FYN: variants seen among roughly 807,000 people sequenced by gnomAD.
The protein encoded by FYN is tyrosine-protein kinase Fyn.
FYN carries 10 observed loss-of-function variants against 70.2 expected under a neutral mutation model. That is an observed-to-expected ratio of 0.14 (90% confidence interval 0.09 to 0.24). The LOEUF (loss-of-function observed/expected upper bound fraction) is 0.24, where lower values mean the gene tolerates loss of function less well. Ranked by LOEUF, FYN falls within the 10% of genes least tolerant of loss-of-function variation. The pLI, the probability that FYN is intolerant of heterozygous loss-of-function variation, is 1.00. For synonymous variants in FYN, 236 were observed against 248.6 expected, an observed-to-expected ratio of 0.95 and a Z score of 0.48; for missense variants, 319 against 673.1, an observed-to-expected ratio of 0.47 and a Z score of 5.82.
intron 1 of FYN, among the ~76,000 whole-genome samples, chr6:111,864,338 GCTGA>G (rs1348435841): frequency 2.0e-5 from 3 of 152,198 alleles, no homozygotes; most frequent in Non-Finnish European, 4.4e-5. Flanking sequence ...ACTCTGTGAC[GCTGA>G]CTAAATCACT....
chr6:111,733,679 G>A (rs1302844760), intron 3 of FYN, among the ~76,000 whole-genome samples: 2 of 152,126 alleles, frequency 1.3e-5, no homozygotes, highest in Non-Finnish European at 2.9e-5. Context: ...CTGAAGTTCT[G>A]GAGCCCAGTT....
intron 3 of FYN, among the ~76,000 whole-genome samples, chr6:111,766,185 A>G (rs1803222348): frequency 1.3e-5 from 2 of 152,212 alleles, no homozygotes; most frequent in South Asian, 4.1e-4. Context: ...ACCATTTTGG[A>G]CATGAGAAAG....
At chr6:111,810,072 A>G (rs1438794335) in intron 2 of FYN, among the ~76,000 whole-genome samples, 2 of 152,218 alleles carry the variant, frequency 1.3e-5, no homozygotes, top group Admixed American at 6.5e-5. Context: ...TGTAGCTCAA[A>G]GAGGGTAATA....
chr6:111,710,846 A>G (rs1330889890), intron 5 of FYN, among the ~76,000 whole-genome samples: 1 of 152,218 alleles, frequency 6.6e-6, no homozygotes, highest in African/African-American at 2.4e-5. Flanking sequence ...GTGGGTAATT[A>G]GCATTGTTAA....
chr6:111,669,292 G>A (rs982987325), intron 13 of FYN, among the ~76,000 whole-genome samples: 23 of 151,830 alleles, frequency 1.5e-4, no homozygotes, highest in African/African-American at 4.8e-4. Flanking sequence ...AAAATTAGCC[G>A]GGCGTGGTGG....
intron 2 of FYN, among the ~76,000 whole-genome samples, chr6:111,807,060 C>A (rs1004303176): frequency 6.6e-6 from 1 of 152,120 alleles, no homozygotes; most frequent in African/African-American, 2.4e-5. Context: ...AATGTTGATG[C>A]CTTTTCTGGC....
intron 2 of FYN, among the ~76,000 whole-genome samples, chr6:111,784,088 C>T (rs1771277089): frequency 6.6e-6 from 1 of 152,212 alleles, no homozygotes; most frequent in African/African-American, 2.4e-5. Flanking sequence ...TTGGGAGAAG[C>T]TCCCTCCTTC....
intron 2 of FYN, among the ~76,000 whole-genome samples, chr6:111,811,563 A>AC (rs1450680756): frequency 6.6e-6 from 1 of 152,114 alleles, no homozygotes; most frequent in Non-Finnish European, 1.5e-5. Flanking sequence ...TGACTGCCCC[A>AC]CCCTTATCCC....
rs577457856 is a variant in FYN at position 111,668,024 on chromosome 6, G to C, written c.1406-6077C>G. 3.3e-5 allele frequency among the ~76,000 whole-genome samples: 5 copies of C among 152,324 alleles called. No individual in the cohort carries two copies. In the South Asian group the frequency reaches 1.0e-3, roughly 32 times the overall value. ...GGAATCACACAACGTTGTGCATAAG[G>C]CCTTGGGTCTGAGGCTCCCCTTGCT... On this transcript the variant is annotated intron_variant, in intron 13 of 13. Coordinates refer to ENST00000354650, the MANE Select transcript of FYN (RefSeq NM_002037.5).
At chr6:111,750,566 C>T (rs115229694) in intron 3 of FYN, among the ~76,000 whole-genome samples, 1,696 of 152,090 alleles carry the variant, frequency 0.011, 24 homozygotes, top group African/African-American at 0.037. Flanking sequence ...ACCATAAATG[C>T]CTGTAATAGA....
At chr6:111,844,235 A>C (rs1012921825) in intron 2 of FYN, among the ~76,000 whole-genome samples, 2 of 152,272 alleles carry the variant, frequency 1.3e-5, no homozygotes, top group African/African-American at 4.8e-5. Context: ...GAGCTTTAGC[A>C]TGTCAAAATA....
intron 1 of FYN, among the ~76,000 whole-genome samples, chr6:111,866,627 C>T (rs933878877): frequency 6.6e-6 from 1 of 152,212 alleles, no homozygotes; most frequent in Non-Finnish European, 1.5e-5. Context: ...CAGGCGTGAG[C>T]CCCCGTGCCC....
chr6:111,776,743 G>A (rs946709578), intron 3 of FYN, among the ~76,000 whole-genome samples: 3 of 152,034 alleles, frequency 2.0e-5, no homozygotes, highest in Non-Finnish European at 2.9e-5. Context: ...CCCAAAATAG[G>A]CCCTATAATT....
chr6:111,853,721 C>T (rs1030294934), intron 1 of FYN, among the ~76,000 whole-genome samples: 6 of 152,192 alleles, frequency 3.9e-5, no homozygotes, highest in African/African-American at 7.2e-5. Context: ...TAGGCTGAAG[C>T]GATCCTCCTA....
intron 1 of FYN, among the ~76,000 whole-genome samples, chr6:111,861,565 C>G (rs1430441064): frequency 1.3e-5 from 2 of 152,212 alleles, no homozygotes; most frequent in South Asian, 4.1e-4. Flanking sequence ...CCTCCCCTCC[C>G]CCTTTCAGCT....
chr6:111,851,892 C>CT lies in FYN; in HGVS notation c.-122-5264dup, dbSNP rs59674985. Among the ~76,000 whole-genome samples, 678 of 144,568 alleles carry CT rather than the reference C, an allele frequency of 4.7e-3. 1 individual carries two copies. The highest frequency in any genetic ancestry group is 0.012 in the African/African-American group (487 of 39,716). 94.8% of individuals were successfully genotyped at this position (144,568 alleles called of 152,430 possible). On this transcript the variant is annotated intron_variant, in intron 1 of 13. Coordinates refer to ENST00000354650, the MANE Select transcript of FYN (RefSeq NM_002037.5). ...CAGGTTCAGTTTTGCCAAATCTTCCCTTTTTTTTTTTTTCAAGAGAAGCTG... is the reference window on the plus strand; with the variant it reads ...CAGGTTCAGTTTTGCCAAATCTTCCCTTTTTTTTTTTTTTCAAGAGAAGCTG...
At chr6:111,763,715 C>A (rs1422717795) in intron 3 of FYN, among the ~76,000 whole-genome samples, 1 of 152,152 alleles carries the variant, frequency 6.6e-6, no homozygotes, top group African/African-American at 2.4e-5. Context: ...TTTAACTATA[C>A]ATTTTTTCAT....
intron 2 of FYN, among the ~76,000 whole-genome samples, chr6:111,796,304 A>G (rs900733437): frequency 3.9e-5 from 6 of 152,252 alleles, no homozygotes; most frequent in African/African-American, 1.4e-4. Flanking sequence ...CCCTAAGATT[A>G]CAATGCTGAT....
At chr6:111,686,574 G>A (rs528992029) in intron 12 of FYN, among the ~76,000 whole-genome samples, 17 of 152,104 alleles carry the variant, frequency 1.1e-4, no homozygotes, top group Non-Finnish European at 2.4e-4. Context: ...ATTTTAAAGG[G>A]TTTGCTTTTC....
Sources: allele counts gnomAD v4.1 joint callset (sites outside exome capture counted in the v4.1 genomes callset), GRCh38; gene constraint gnomAD v4.1.1; transcripts MANE v1.5; gene names NCBI Gene and HGNC (gene_info 2026-07-23, HGNC 2026-07-21).